Variants in TMEM120B observed in about 807,000 individuals in gnomAD.
TMEM120B encodes transmembrane protein 120B.
Under a neutral mutation model 55.5 loss-of-function variants are expected in TMEM120B, and 31 were observed. That is an observed-to-expected ratio of 0.56 (90% CI 0.42 to 0.75). The LOEUF (loss-of-function observed/expected upper bound fraction) is 0.75, where lower values mean the gene tolerates loss of function less well. Ranked by LOEUF, TMEM120B falls within the 30% of genes least tolerant of loss-of-function variation. The pLI, the probability that TMEM120B is intolerant of heterozygous loss-of-function variation, is 0.00. For missense variants in TMEM120B, 399 were observed against 425.5 expected (o/e 0.94, Z 0.55); for synonymous variants, 203 against 176.3 (o/e 1.15, Z -1.20).
intron 1 of TMEM120B, among the ~76,000 whole-genome samples, chr12:121,739,222 G>C (rs1009297147): frequency 6.6e-6 from 1 of 151,960 alleles, no homozygotes; most frequent in East Asian, 1.9e-4. Flanking sequence ...TTAAATTCAC[G>C]AAAGACAGAG....
chr12:121,718,386 A>G (rs1894739228), intron 1 of TMEM120B, among the ~76,000 whole-genome samples: 1 of 152,078 alleles, frequency 6.6e-6, no homozygotes, highest in Non-Finnish European at 1.5e-5. Context: ...CGCTCCTGTA[A>G]TCCCAGCTAC....
chr12:121,779,529 TGCCGTTGCGCCTTCTTCA>T lies in TMEM120B; in HGVS notation c.*3809_*3826del, dbSNP rs776051242. ...CAGCAGGCAGAGCCGGCGCTTCTTCTGCCGTTGCGCCTTCTTCAGAGCGCTGAGAGCCACCTTGGCGGC... is the reference window on the plus strand; with the variant it reads ...CAGCAGGCAGAGCCGGCGCTTCTTCTGAGCGCTGAGAGCCACCTTGGCGGC... On this transcript the variant is annotated 3_prime_UTR_variant, in exon 12 of 12. Transcript: ENST00000449592. The T allele has an allele frequency of 2.0e-4, 329 of 1,613,336 alleles. No homozygotes were observed. The highest frequency in any genetic ancestry group is 2.7e-4 in the Non-Finnish European group (317 of 1,180,032).
chr12:121,746,136 C>T (rs917868576), intron 2 of TMEM120B, among the ~76,000 whole-genome samples: 7 of 151,578 alleles, frequency 4.6e-5, no homozygotes, highest in African/African-American at 1.7e-4. Flanking sequence ...GCTGGGATTA[C>T]AGGCATGAGC....
At position 121,712,942 on chromosome 12, in the gene TMEM120B, A is replaced by C; in HGVS notation, c.47A>C (p.Glu16Ala). The stretch of plus-strand genomic sequence containing the variant: ...TGCGAGCGCGAATGGCACGAGCTGG[A>C]GGGAGAATTTCAAGAACTGCAGGTA... ...ERCEREWHEL[E>A]GEFQELQETH... Residue 16 changes from glutamate to alanine, a missense_variant, in exon 1 of 12, where the codon GAG becomes GCG. Coordinates refer to ENST00000449592, the MANE Select transcript of TMEM120B (RefSeq NM_001080825.2). 1.3e-6 allele frequency: 2 copies of C among 1,543,868 alleles called. No individual in the cohort carries two copies. The highest frequency in any genetic ancestry group is 1.7e-6 in the Non-Finnish European group (2 of 1,151,172).
chr12:121,764,087 C>T (rs370581910), intron 6 of TMEM120B, among the ~76,000 whole-genome samples: 18 of 148,762 alleles, frequency 1.2e-4, no homozygotes, highest in East Asian at 9.9e-4. Context: ...TTTTGGGAGG[C>T]AGAGGTGGGC....
At position 121,781,210 on chromosome 12, in the gene TMEM120B, C is replaced by CG. The variant is rs1566531562; in HGVS notation, c.*5493dup. 1 of 1,610,114 alleles carries CG rather than the reference C, an allele frequency of 6.2e-7. No individual in the cohort carries two copies. The highest frequency in any genetic ancestry group is 8.5e-7 in the Non-Finnish European group (1 of 1,176,536). ...TTCTTGCCCTGAAAGCACAGAGCAGCGGGGGTCAGGGGACGTCCCCTCCCT... is the reference window on the plus strand; with the variant it reads ...TTCTTGCCCTGAAAGCACAGAGCAGCGGGGGGTCAGGGGACGTCCCCTCCCT... On this transcript the variant is annotated 3_prime_UTR_variant, in exon 12 of 12. Coordinates refer to ENST00000449592, the MANE Select transcript of TMEM120B (RefSeq NM_001080825.2).
At chr12:121,725,042 A>G (rs75071707) in intron 1 of TMEM120B, among the ~76,000 whole-genome samples, 1,558 of 152,258 alleles carry the variant, frequency 0.01, 30 homozygotes, top group African/African-American at 0.035. Context: ...TCTCTCTTGG[A>G]TGAATAAGTG....
chr12:121,716,594 G>A (rs1894707843), intron 1 of TMEM120B, among the ~76,000 whole-genome samples: 1 of 101,606 alleles, frequency 9.8e-6, no homozygotes, highest in African/African-American at 4.0e-5. Context: ...ACACAGTCTT[G>A]CTCTGTCGCC....
intron 2 of TMEM120B, among the ~76,000 whole-genome samples, chr12:121,745,450 G>T (rs1051970847): frequency 6.6e-6 from 1 of 152,108 alleles, no homozygotes; most frequent in Non-Finnish European, 1.5e-5. Context: ...GGGTGCAGTG[G>T]TGCAATCTCG....
intron 2 of TMEM120B, among the ~76,000 whole-genome samples, chr12:121,745,633 C>T (rs190509406): frequency 6.6e-6 from 1 of 152,004 alleles, no homozygotes; most frequent in Non-Finnish European, 1.5e-5. Flanking sequence ...CTTAAGTGAT[C>T]ATCCTGCCTC....
At chr12:121,738,823 A>T (rs911420920) in intron 1 of TMEM120B, among the ~76,000 whole-genome samples, 4 of 152,124 alleles carry the variant, frequency 2.6e-5, no homozygotes, top group Non-Finnish European at 5.9e-5. Context: ...ACATACCCCA[A>T]ATCATGAGGA....
chr12:121,732,557 A>C (rs1465812927), intron 1 of TMEM120B, among the ~76,000 whole-genome samples: 1 of 152,174 alleles, frequency 6.6e-6, no homozygotes, highest in Non-Finnish European at 1.5e-5. Flanking sequence ...AACATTAGAA[A>C]AGTACCTGAA....
intron 1 of TMEM120B, among the ~76,000 whole-genome samples, chr12:121,732,643 T>C (rs1193357971): frequency 6.6e-6 from 1 of 152,142 alleles, no homozygotes; most frequent in African/African-American, 2.4e-5. Flanking sequence ...GGACTATAAA[T>C]TGGTATAGCT....
rs569148584 is a variant in TMEM120B, at chr12:121,772,295, A to AT, written c.679+754dup. ...AGGTGCGCACCACCACGCCCAGCTAATTTTTTTTATTTTTAATAAAGATGA... is the reference window on the plus strand; with the variant it reads ...AGGTGCGCACCACCACGCCCAGCTAATTTTTTTTTATTTTTAATAAAGATGA... On this transcript the variant is annotated intron_variant, in intron 8 of 11. Coordinates refer to ENST00000449592, the MANE Select transcript of TMEM120B (RefSeq NM_001080825.2). Among the ~76,000 whole-genome samples the AT allele has an allele frequency of 2.2e-4, 33 of 151,124 alleles. No individual in the cohort carries two copies. The South Asian group carries it at 6.7e-3, about 31-fold the overall frequency.
chr12:121,726,248 T>G (rs138814362), intron 1 of TMEM120B, among the ~76,000 whole-genome samples: 48 of 152,026 alleles, frequency 3.2e-4, no homozygotes, highest in Admixed American at 2.0e-3. Context: ...ATGGGTGAAT[T>G]GTATGGCATG....
chr12:121,779,570 G>T lies in TMEM120B; in HGVS notation c.*3848G>T. On this transcript the variant is annotated 3_prime_UTR_variant, in exon 12 of 12. Coordinates refer to ENST00000449592, the MANE Select transcript of TMEM120B (RefSeq NM_001080825.2). Reference sequence around the variant, plus strand: ...TCAGAGCGCTGAGAGCCACCTTGGCGGCCTCCCGGAAGACGTCCTCCACAT... The same window carrying T: ...TCAGAGCGCTGAGAGCCACCTTGGCTGCCTCCCGGAAGACGTCCTCCACAT... 2 of 1,614,116 alleles carry T rather than the reference G, an allele frequency of 1.2e-6. No homozygotes were observed. The highest frequency in any genetic ancestry group is 1.7e-6 in the Non-Finnish European group (2 of 1,180,026).
At chr12:121,733,619 A>G (rs1258863986) in intron 1 of TMEM120B, among the ~76,000 whole-genome samples, 2 of 150,402 alleles carry the variant, frequency 1.3e-5, no homozygotes, top group African/African-American at 4.9e-5. Flanking sequence ...GGCTCACTGC[A>G]GCCTCTGCCT....
intron 5 of TMEM120B, among the ~76,000 whole-genome samples, chr12:121,756,996 GCAGTGTA>G (rs1873492657): frequency 6.6e-6 from 1 of 152,136 alleles, no homozygotes; most frequent in Non-Finnish European, 1.5e-5. Flanking sequence ...GAGTAGCAGG[GCAGTGTA>G]CGGTGTCCGT....
chr12:121,727,063 A>G (rs187643182), intron 1 of TMEM120B, among the ~76,000 whole-genome samples: 1 of 151,880 alleles, frequency 6.6e-6, no homozygotes, highest in African/African-American at 2.4e-5. Context: ...TCAGTTTCAT[A>G]ACCCGGTCTC....
Sources: allele counts gnomAD v4.1 joint callset (sites outside exome capture counted in the v4.1 genomes callset), GRCh38; gene constraint gnomAD v4.1.1; transcripts MANE v1.5; gene names NCBI Gene and HGNC (gene_info 2026-07-23, HGNC 2026-07-21).